Variants in RAB27B observed in about 807,000 individuals in gnomAD.
The protein encoded by RAB27B is RAB27B, member RAS oncogene family.
A neutral mutation model predicts 24.6 loss-of-function variants in RAB27B; 15 were observed. That is an observed-to-expected ratio of 0.61 (90% CI 0.41 to 0.94). The LOEUF (loss-of-function observed/expected upper bound fraction) is 0.94, where lower values mean the gene tolerates loss of function less well. Ranked by LOEUF, RAB27B falls within the 40% of genes least tolerant of loss-of-function variation. The pLI, the probability that RAB27B is intolerant of heterozygous loss-of-function variation, is 0.00. For synonymous variants in RAB27B, 105 were observed against 92.5 expected (o/e 1.14, Z -0.78); for missense variants, 261 against 266.8 (o/e 0.98, Z 0.15).
intron 2 of RAB27B, among the ~76,000 whole-genome samples, chr18:54,797,645 A>G (rs1478397734): frequency 6.6e-6 from 1 of 152,216 alleles, no homozygotes; most frequent in Non-Finnish European, 1.5e-5. Context: ...TTTATTTTCC[A>G]GTGACCTAAA....
At chr18:54,751,354 A>AGTGCTAGTG (rs1006588527) in intron 2 of RAB27B, among the ~76,000 whole-genome samples, 1 of 152,162 alleles carries the variant, frequency 6.6e-6, no homozygotes, top group Non-Finnish European at 1.5e-5. Context: ...AGATGGAGGC[A>AGTGCTAGTG]GTGCTAGTGA....
At chr18:54,858,125 AC>A (rs1490965014) in intron 1 of RAB27B, among the ~76,000 whole-genome samples, 1 of 152,210 alleles carries the variant, frequency 6.6e-6, no homozygotes, top group East Asian at 1.9e-4. Flanking sequence ...TTGATTAACT[AC>A]CGAGTAATAT....
chr18:54,758,545 A>G (rs1194612318), intron 2 of RAB27B, among the ~76,000 whole-genome samples: 1 of 151,686 alleles, frequency 6.6e-6, no homozygotes, highest in East Asian at 1.9e-4. Flanking sequence ...GACTTCATGT[A>G]TGAAGGATCA....
intron 1 of RAB27B, among the ~76,000 whole-genome samples, chr18:54,858,176 A>T (rs1347268398): frequency 6.6e-6 from 1 of 152,220 alleles, no homozygotes; most frequent in Non-Finnish European, 1.5e-5. Context: ...CTAAAATATA[A>T]ACTCTCTCAT....
intron 1 of RAB27B, among the ~76,000 whole-genome samples, chr18:54,845,630 A>G (rs1336240768): frequency 6.6e-6 from 1 of 151,978 alleles, no homozygotes; most frequent in Admixed American, 6.6e-5. Flanking sequence ...GCCCCCTGGA[A>G]TATGTTTGTC....
intron 2 of RAB27B, among the ~76,000 whole-genome samples, chr18:54,802,168 T>C (rs1909632223): frequency 6.6e-6 from 1 of 152,266 alleles, no homozygotes. Flanking sequence ...CTTTACATTG[T>C]TTGCAAATAC....
At chr18:54,773,159 A>G (rs1908606532) in intron 2 of RAB27B, among the ~76,000 whole-genome samples, 1 of 152,156 alleles carries the variant, frequency 6.6e-6, no homozygotes, top group South Asian at 2.1e-4. Context: ...TAGCTTTGAA[A>G]TTTCATTTTC....
At position 54,892,915 on chromosome 18, in the gene RAB27B, G is replaced by A. The variant is rs1255049251; in HGVS notation, c.*3502G>A. ...CAGCCTTTTCTTGTCCCCTTTGTAA[G>A]AAAGAGATGCTTGCCATAGAGAAGG... On this transcript the variant is annotated 3_prime_UTR_variant, in exon 6 of 6. Coordinates refer to ENST00000262094, the MANE Select transcript of RAB27B (RefSeq NM_004163.4). The A allele has an allele frequency of 6.6e-6, 1 of 151,998 alleles. No individual in the cohort carries two copies. 9.4% of individuals were successfully genotyped at this position (151,998 alleles called of 1,614,324 possible). A position where few individuals can be genotyped will look rare whatever the true frequency, so the allele number is the denominator to read the frequency against.
chr18:54,822,729 C>G lies in RAB27B; in HGVS notation c.-19-54838C>G, dbSNP rs138527154. 1.6e-4 allele frequency among the ~76,000 whole-genome samples: 25 copies of G among 152,060 alleles called. No homozygotes were observed. The East Asian group carries it at 4.8e-3, about 29-fold the overall frequency. On this transcript the variant is annotated intron_variant, in intron 2 of 4. Coordinates refer to the RAB27B transcript ENST00000586570. ...TAACTAGTTTTTAAAATTGATTAAA[C>G]AATGTTGTAATTATTTCTAAAATTC... is the stretch of plus-strand genomic sequence containing the variant.
chr18:54,887,538 G>C (rs1425983873), intron 4 of RAB27B, among the ~76,000 whole-genome samples: 1 of 151,932 alleles, frequency 6.6e-6, no homozygotes. Flanking sequence ...TCTTCCAGAG[G>C]AATATATGTG....
At chr18:54,859,925 G>C (rs1285586750) in intron 1 of RAB27B, among the ~76,000 whole-genome samples, 1 of 152,186 alleles carries the variant, frequency 6.6e-6, no homozygotes, top group Non-Finnish European at 1.5e-5. Flanking sequence ...CTAGGGCTTT[G>C]TGAAGTAGAA....
chr18:54,889,335 A>C lies in RAB27B; in HGVS notation c.579A>C (p.Gln193His), dbSNP rs201695355. Residue 193 changes from glutamine (Q) to histidine (H), a missense_variant, in exon 6 of 6, where the codon CAA becomes CAC. Gln to His is a conservative substitution (Grantham distance 24). Transcript: ENST00000262094. ...TGGAACAGTGTGTGGAGAAGACACAAATCCCTGATACTGTCAATGGTGGAA... is the reference window on the plus strand; with the variant it reads ...TGGAACAGTGTGTGGAGAAGACACACATCCCTGATACTGTCAATGGTGGAA... Reference protein sequence around the residue: ...KRMEQCVEKTQIPDTVNGGNS... With the variant: ...KRMEQCVEKTHIPDTVNGGNS... 60 of 1,613,462 alleles carry C rather than the reference A, an allele frequency of 3.7e-5. No individual in the cohort carries two copies. In the African/African-American group the frequency reaches 7.1e-4, roughly 19 times the overall value.
intron 2 of RAB27B, among the ~76,000 whole-genome samples, chr18:54,722,208 A>T (rs1481754214): frequency 6.6e-6 from 1 of 152,148 alleles, no homozygotes; most frequent in Non-Finnish European, 1.5e-5. Flanking sequence ...CTTTCTTTAA[A>T]TTTTTTGGGT....
chr18:54,885,162 T>C (rs1341305546), intron 4 of RAB27B, among the ~76,000 whole-genome samples: 1 of 152,192 alleles, frequency 6.6e-6, no homozygotes, highest in Non-Finnish European at 1.5e-5. Context: ...CATATTTCAT[T>C]TGTATTTTTT....
intron 2 of RAB27B, among the ~76,000 whole-genome samples, chr18:54,794,543 A>T (rs1433701487): frequency 1.3e-5 from 2 of 152,200 alleles, no homozygotes; most frequent in African/African-American, 2.4e-5. Context: ...CTGTCTGAGG[A>T]TATTAAAATG....
intron 2 of RAB27B, among the ~76,000 whole-genome samples, chr18:54,806,968 A>T (rs2145141185): frequency 6.6e-6 from 1 of 152,160 alleles, no homozygotes; most frequent in South Asian, 2.1e-4. Flanking sequence ...GTCCAGTGGC[A>T]CAATCTTGGC....
At chr18:54,758,659 G>A (rs1206548665) in intron 2 of RAB27B, among the ~76,000 whole-genome samples, 1 of 142,730 alleles carries the variant, frequency 7.0e-6, no homozygotes, top group Non-Finnish European at 1.5e-5. Context: ...AAGGAACAAC[G>A]ACAGAGCTAA....
At chr18:54,770,258 G>A (rs1027000745) in intron 2 of RAB27B, among the ~76,000 whole-genome samples, 1 of 152,124 alleles carries the variant, frequency 6.6e-6, no homozygotes, top group Non-Finnish European at 1.5e-5. Flanking sequence ...GTGAGTGGAG[G>A]TGAATGAGCA....
chr18:54,871,523 A>C (rs1445562261), intron 1 of RAB27B, among the ~76,000 whole-genome samples: 4 of 152,204 alleles, frequency 2.6e-5, no homozygotes, highest in African/African-American at 9.6e-5. Flanking sequence ...TATTTTACTG[A>C]AACTCTGTAC....
Sources: gnomAD v4.1 joint callset for allele counts (sites outside exome capture counted in the v4.1 genomes callset) on GRCh38, gnomAD v4.1.1 for gene constraint, MANE v1.5 for transcripts, NCBI Gene and HGNC (gene_info 2026-07-23, HGNC 2026-07-21) for gene names.